The following PLCE1 variants were observed in gnomAD, a reference collection of about 807,000 sequenced individuals.
PLCE1 encodes the protein 1-phosphatidylinositol 4,5-bisphosphate phosphodiesterase epsilon-1.
A neutral mutation model predicts 242.8 loss-of-function variants in PLCE1; 119 were observed. The observed-to-expected ratio is 0.49, with a 90% CI of 0.42 to 0.57. The LOEUF is 0.57. PLCE1 is among the 20% of genes least tolerant of loss of function. PLCE1 has a pLI of 0.00. For missense variants in PLCE1, 2,441 were observed against 2,788.8 expected (o/e 0.88, Z 2.81); for synonymous variants, 945 against 1,017.4 (o/e 0.93, Z 1.35).
chr10:94,259,342 G>A (rs1393287487), intron 13 of PLCE1, among the ~76,000 whole-genome samples, 192 bp downstream of exon 13: 1 of 151,322 alleles, frequency 6.6e-6, no homozygotes, highest in Non-Finnish European at 1.5e-5. Flanking sequence ...GGAGTGCAGT[G>A]GTGCAATCTC....
At chr10:94,255,156 G>A (rs1463851675) in intron 11 of PLCE1, 107 bp downstream of exon 11, 8 of 1,390,286 alleles carry the variant, frequency 5.8e-6, no homozygotes, top group Non-Finnish European at 8.0e-6. Context: ...ACATTTTGAT[G>A]TATAGTTGAA....
At chr10:94,167,509 C>CT (rs34925856) in intron 3 of PLCE1, among the ~76,000 whole-genome samples, 52,083 of 150,684 alleles carry the variant, frequency 0.35, 10,515 homozygotes, top group East Asian at 0.55. Flanking sequence ...AGTAGGCACT[C>CT]TTTTTTTTTA....
chr10:94,053,763 C>T (rs919337637), intron 2 of PLCE1, among the ~76,000 whole-genome samples: 6 of 152,198 alleles, frequency 3.9e-5, no homozygotes, highest in African/African-American at 1.2e-4. Context: ...GGAATTGGAG[C>T]TGCCAAGATG....
chr10:94,008,046 T>A (rs1029825451), intron 1 of PLCE1, among the ~76,000 whole-genome samples: 1 of 151,300 alleles, frequency 6.6e-6, no homozygotes, highest in African/African-American at 2.4e-5. Context: ...AGAAAAATTA[T>A]CTGGACATGG....
chr10:94,185,815 G>C (rs112235762), intron 4 of PLCE1, among the ~76,000 whole-genome samples: 3 of 152,316 alleles, frequency 2.0e-5, no homozygotes, highest in African/African-American at 7.2e-5. Context: ...AGGCTTCAGA[G>C]CTTTGGAGAT....
At chr10:94,264,512 ATTTTTTTTTT>A (rs59860171) in intron 14 of PLCE1, among the ~76,000 whole-genome samples, 3 of 73,082 alleles carry the variant, frequency 4.1e-5, no homozygotes, top group Admixed American at 1.7e-4. Flanking sequence ...ACATGATTTG[ATTTTTTTTTT>A]TTTTTTTTTT....
chr10:94,314,076 G>T (rs986576925), intron 28 of PLCE1, among the ~76,000 whole-genome samples: 1 of 152,170 alleles, frequency 6.6e-6, no homozygotes, highest in African/African-American at 2.4e-5. Context: ...CCCCTCCGAA[G>T]GATCTTTGTG....
At chr10:94,019,746 G>A (rs1564627810) in intron 1 of PLCE1, among the ~76,000 whole-genome samples, 1 of 152,082 alleles carries the variant, frequency 6.6e-6, no homozygotes, top group Non-Finnish European at 1.5e-5. Context: ...GTATTAGACA[G>A]CACAGATCTA....
chr10:94,120,066 T>C (rs961776283), intron 2 of PLCE1, among the ~76,000 whole-genome samples: 1 of 152,146 alleles, frequency 6.6e-6, no homozygotes, highest in African/African-American at 2.4e-5. Flanking sequence ...TTTCTCTGGG[T>C]GTAGGGCCCA....
At chr10:94,156,231 AAC>A (rs1035623949) in intron 3 of PLCE1, among the ~76,000 whole-genome samples, 5 of 152,162 alleles carry the variant, frequency 3.3e-5, no homozygotes, top group African/African-American at 1.2e-4. Flanking sequence ...GGCGTCTTAT[AAC>A]ACAATTCTGA....
At chr10:94,314,134 G>A (rs2053487302) in intron 28 of PLCE1, among the ~76,000 whole-genome samples, 1 of 152,214 alleles carries the variant, frequency 6.6e-6, no homozygotes, top group Non-Finnish European at 1.5e-5. Flanking sequence ...CTAAGAGTGA[G>A]AGAGCCAGGG....
chr10:94,223,214 T>C (rs1157883721), intron 4 of PLCE1, among the ~76,000 whole-genome samples: 1 of 114,470 alleles, frequency 8.7e-6, no homozygotes, highest in Non-Finnish European at 1.6e-5. Context: ...CTGGGCAACA[T>C]AGTGATACTC....
At chr10:94,320,456 C>T (rs563795284) in intron 29 of PLCE1, among the ~76,000 whole-genome samples, 1 of 152,320 alleles carries the variant, frequency 6.6e-6, no homozygotes, top group African/African-American at 2.4e-5. Context: ...GCCCTGGTTG[C>T]AGTTTTGGCG....
intron 2 of PLCE1, chr10:94,089,180 T>C: frequency 6.2e-7 from 1 of 1,613,978 alleles, no homozygotes; most frequent in South Asian, 1.1e-5. Flanking sequence ...TGCAAAGGGA[T>C]TAAGATTTGG....
At chr10:94,086,856 T>A (rs943645020) in intron 2 of PLCE1, among the ~76,000 whole-genome samples, 1 of 152,188 alleles carries the variant, frequency 6.6e-6, no homozygotes, top group Non-Finnish European at 1.5e-5. Context: ...ATCCTTCATT[T>A]CCTCATCTGT....
At chr10:94,273,747 G>T in intron 19 of PLCE1, 27 bp downstream of exon 19, 1 of 1,605,608 alleles carries the variant, frequency 6.2e-7, no homozygotes, top group Non-Finnish European at 8.5e-7. Context: ...AACCAGTTAT[G>T]AAAAGGCAGT....
At chr10:94,104,940 A>G (rs2045673549) in intron 2 of PLCE1, 1 of 152,222 alleles carries the variant, frequency 6.6e-6, no homozygotes, top group East Asian at 1.9e-4. Context: ...GCGCTTTCTC[A>G]AAAAGGAAGC....
intron 4 of PLCE1, among the ~76,000 whole-genome samples, chr10:94,226,647 T>TA (rs766940600): frequency 5.9e-5 from 9 of 152,138 alleles, no homozygotes; most frequent in Non-Finnish European, 1.2e-4. Context: ...AACTGATGGG[T>TA]TAAGTACATT....
chr10:94,025,832 T>C (rs1431369342), intron 1 of PLCE1, among the ~76,000 whole-genome samples: 1 of 152,220 alleles, frequency 6.6e-6, no homozygotes, highest in Non-Finnish European at 1.5e-5. Context: ...ATAGTTTTCT[T>C]GCTCTAACCA....
Sources: allele counts gnomAD v4.1 joint callset (sites outside exome capture counted in the v4.1 genomes callset), GRCh38; gene constraint gnomAD v4.1.1; transcripts MANE v1.5; gene names NCBI Gene and HGNC (gene_info 2026-07-23, HGNC 2026-07-21).